DLG1: variants seen among roughly 807,000 people sequenced by gnomAD.
DLG1 encodes discs large MAGUK scaffold protein 1, also known as disks large homolog 1.
In DLG1, 42 loss-of-function variants were observed where a neutral mutation model predicts 123.4. The ratio of observed to expected loss-of-function variants is 0.34; its 90% CI spans 0.27 to 0.44. The LOEUF (loss-of-function observed/expected upper bound fraction) is 0.44, where lower values mean the gene tolerates loss of function less well. Among genes scored for constraint, DLG1 ranks in the 20% least tolerant of loss-of-function variants. The pLI is 1.00. For synonymous variants in DLG1, 317 were observed against 356.2 expected, an observed-to-expected ratio of 0.89 and a Z score of 1.24; for missense variants, 942 against 1,082.6, an observed-to-expected ratio of 0.87 and a Z score of 1.82.
At chr3:197,270,025 G>A (rs531944342) in intron 4 of DLG1, among the ~76,000 whole-genome samples, 1 of 152,258 alleles carries the variant, frequency 6.6e-6, no homozygotes, top group South Asian at 2.1e-4. Flanking sequence ...GGGGCAAAAG[G>A]CTAAAGTTGG....
rs1334516010 is a variant in DLG1 at position 197,183,640 on chromosome 3, C to A, written c.483+10785G>T. On this transcript the variant is annotated intron_variant, in intron 5 of 24. Transcript: ENST00000667157. ...CTGTGTCTTCGAGTGAAAAATGCAA[C>A]TATCTGCTGCCAGCGTGAAGGTTCT... 3 of 1,550,530 alleles carry A rather than the reference C, an allele frequency of 1.9e-6. No individual in the cohort carries two copies. In the Admixed American group the frequency reaches 5.9e-5, roughly 30 times the overall value.
intron 22 of DLG1, among the ~76,000 whole-genome samples, chr3:197,062,451 C>G (rs1736521304): frequency 6.6e-6 from 1 of 152,274 alleles, no homozygotes; most frequent in South Asian, 2.1e-4. Flanking sequence ...TCATTATGGA[C>G]TCTACGATTT....
intron 11 of DLG1, 69 bp downstream of exon 11, chr3:197,130,458 C>T (rs905980518): frequency 3.1e-6 from 4 of 1,282,124 alleles, no homozygotes; most frequent in Non-Finnish European, 4.2e-6. Flanking sequence ...ATACTGAGAA[C>T]ATTTCACTAA....
chr3:197,290,762 G>C (rs1039423033), intron 3 of DLG1, among the ~76,000 whole-genome samples: 3 of 151,974 alleles, frequency 2.0e-5, no homozygotes, highest in African/African-American at 7.2e-5. Flanking sequence ...GCCAGGCGTG[G>C]GGGCTCACAC....
Position 197,116,099 on chromosome 3 carries a change from A to C in DLG1, c.1287-16T>G. 2 of 1,587,338 alleles carry C rather than the reference A, an allele frequency of 1.3e-6. No homozygotes were observed. The highest frequency in any genetic ancestry group is 1.7e-6 in the Non-Finnish European group (2 of 1,171,764). On this transcript the variant is annotated splice_polypyrimidine_tract_variant and intron_variant, in intron 12 of 24. Transcript: ENST00000667157. ...TCTAGGTTCCCTAAAAATTAAAAAA[A>C]ATTGAGTATCTTGGAAATTTTATAT...
At chr3:197,166,316 C>T (rs1475292962) in intron 5 of DLG1, among the ~76,000 whole-genome samples, 1 of 152,102 alleles carries the variant, frequency 6.6e-6, no homozygotes, top group East Asian at 1.9e-4. Flanking sequence ...ATGAAGGATA[C>T]TGACAGCAGG....
chr3:197,210,927 C>T (rs1286325777), intron 4 of DLG1, among the ~76,000 whole-genome samples: 2 of 145,490 alleles, frequency 1.4e-5, no homozygotes. Flanking sequence ...TTTTAAAATA[C>T]AGCAAATTGA....
At chr3:197,098,734 G>A (rs1761971370) in intron 14 of DLG1, among the ~76,000 whole-genome samples, 1 of 152,150 alleles carries the variant, frequency 6.6e-6, no homozygotes, top group Admixed American at 6.5e-5. Flanking sequence ...GTTTCATCAA[G>A]TTGGCCAGGC....
intron 4 of DLG1, among the ~76,000 whole-genome samples, chr3:197,234,713 T>C (rs912129570): frequency 6.6e-6 from 1 of 152,154 alleles, no homozygotes; most frequent in East Asian, 1.9e-4. Flanking sequence ...AAAGGGGTTA[T>C]ATATATAATC....
chr3:197,060,695 C>G (rs1735163480), intron 22 of DLG1, among the ~76,000 whole-genome samples: 1 of 152,216 alleles, frequency 6.6e-6, no homozygotes, highest in African/African-American at 2.4e-5. Flanking sequence ...AGCTTAAACT[C>G]ACTGACAAAG....
chr3:197,190,187 C>T (rs1004285621), intron 5 of DLG1, among the ~76,000 whole-genome samples: 1 of 152,148 alleles, frequency 6.6e-6, no homozygotes, highest in African/African-American at 2.4e-5. Flanking sequence ...TCAATACTAT[C>T]AATTTAAGTC....
At chr3:197,112,279 G>A (rs1198171894) in intron 13 of DLG1, among the ~76,000 whole-genome samples, 3 of 152,016 alleles carry the variant, frequency 2.0e-5, no homozygotes, top group African/African-American at 4.8e-5. Flanking sequence ...TGTGAATTTC[G>A]TGCAGCCACC....
At chr3:197,110,310 T>C (rs541727148) in intron 13 of DLG1, among the ~76,000 whole-genome samples, 1 of 152,324 alleles carries the variant, frequency 6.6e-6, no homozygotes, top group Admixed American at 6.5e-5. Flanking sequence ...TTTAAGTTAC[T>C]GTACTTTCCA....
At chr3:197,234,575 T>C (rs1744962809) in intron 4 of DLG1, among the ~76,000 whole-genome samples, 1 of 152,126 alleles carries the variant, frequency 6.6e-6, no homozygotes, top group African/African-American at 2.4e-5. Context: ...GAACATGTAA[T>C]AACATGAAAA....
chr3:197,296,226 T>TGA, intron 3 of DLG1, 120 bp downstream of exon 3: 1 of 950,068 alleles, frequency 1.1e-6, no homozygotes, highest in East Asian at 2.4e-5. Flanking sequence ...TCACTGAAGA[T>TGA]GTTCAAGTTA....
At chr3:197,159,965 T>C (rs1255235953) in intron 5 of DLG1, among the ~76,000 whole-genome samples, 1 of 152,180 alleles carries the variant, frequency 6.6e-6, no homozygotes, top group Non-Finnish European at 1.5e-5. Context: ...TGCCAGTACC[T>C]GACGTGCATT....
intron 3 of DLG1, among the ~76,000 whole-genome samples, chr3:197,285,530 A>G (rs1560157671): frequency 2.6e-5 from 4 of 152,270 alleles, no homozygotes; most frequent in South Asian, 4.1e-4. Flanking sequence ...TAAAGGACTA[A>G]TATTCAAGTG....
chr3:197,143,262 T>C (rs1054529474), intron 6 of DLG1, among the ~76,000 whole-genome samples: 3 of 121,124 alleles, frequency 2.5e-5, no homozygotes, highest in African/African-American at 8.3e-5. Context: ...TTTTTTGTTT[T>C]GTTTTTTTGA....
At chr3:197,209,462 T>C (rs1730239236) in intron 4 of DLG1, among the ~76,000 whole-genome samples, 1 of 146,688 alleles carries the variant, frequency 6.8e-6, no homozygotes, top group African/African-American at 2.4e-5. Flanking sequence ...ACTCCTTGAT[T>C]AGCAACTGAT....
Sources: allele counts gnomAD v4.1 joint callset (sites outside exome capture counted in the v4.1 genomes callset), GRCh38; gene constraint gnomAD v4.1.1; transcripts MANE v1.5; gene names NCBI Gene and HGNC (gene_info 2026-07-23, HGNC 2026-07-21).